The following EAF2 variants were observed in gnomAD, a reference collection of about 807,000 sequenced individuals.
EAF2 encodes ELL associated factor 2, also known as ELL-associated factor 2.
Under a neutral mutation model 29.4 loss-of-function variants are expected in EAF2, and 29 were observed. The observed-to-expected ratio is 0.99, with a 90% CI of 0.73 to 1.35. EAF2 has a LOEUF of 1.35. EAF2 is among the 40% of genes most tolerant of loss of function. The pLI is 0.00. For missense variants in EAF2, 292 were observed against 312.0 expected (o/e 0.94, Z 0.48); for synonymous variants, 103 against 102.5 (o/e 1.00, Z -0.03).
chr3:121,844,585 G>A (rs760445601), intron 2 of EAF2, 38 bp downstream of exon 2: 22 of 1,310,552 alleles, frequency 1.7e-5, no homozygotes, highest in Admixed American at 1.1e-4. Context: ...TCACTTTTGT[G>A]GGATTCTCAG....
chr3:121,886,493 G>T lies in EAF2; in HGVS notation c.*105G>T. 1.8e-6 allele frequency: 1 copy of T among 553,766 alleles called. No homozygotes were observed. The highest frequency in any genetic ancestry group is 3.9e-5 in the Admixed American group (1 of 25,640). 34.3% of individuals were successfully genotyped at this position (553,766 alleles called of 1,614,324 possible). A position where few individuals can be genotyped will look rare whatever the true frequency, so the allele number is the denominator to read the frequency against. On this transcript the variant is annotated 3_prime_UTR_variant, in exon 6 of 6. Transcript: ENST00000273668. ...AGGGAAATATGTCTTAACTTTTGAT[G>T]ATAAAAGAAATTAAATTTGATTCAG...
At chr3:121,873,104 T>C in intron 5 of EAF2, 1 of 677,458 alleles carries the variant, frequency 1.5e-6, no homozygotes, top group South Asian at 1.6e-5. Flanking sequence ...CTACAATTTC[T>C]CCCTAAATAA....
At chr3:121,866,232 T>C (rs1488563745) in intron 4 of EAF2, among the ~76,000 whole-genome samples, 1 of 152,110 alleles carries the variant, frequency 6.6e-6, no homozygotes, top group Admixed American at 6.5e-5. Flanking sequence ...CCCTAGCTGC[T>C]GGAGATTTAG....
At chr3:121,883,913 A>G (rs187002914) in intron 5 of EAF2, among the ~76,000 whole-genome samples, 13 of 152,344 alleles carry the variant, frequency 8.5e-5, no homozygotes, top group Admixed American at 7.8e-4. Context: ...TTGACAGCAT[A>G]AAGTCTAGAA....
chr3:121,873,018 T>G (rs1289698689), intron 5 of EAF2: 2 of 745,404 alleles, frequency 2.7e-6, no homozygotes, highest in Admixed American at 4.0e-5. Context: ...CTTTTCAAGT[T>G]TATATGATCC....
chr3:121,853,398 T>C (rs1330219251), intron 2 of EAF2, among the ~76,000 whole-genome samples: 1 of 152,192 alleles, frequency 6.6e-6, no homozygotes, highest in Non-Finnish European at 1.5e-5. Flanking sequence ...AAAAGTCCCT[T>C]CCTTTCTTCT....
Position 121,835,398 on chromosome 3 carries a change from G to C in EAF2, c.106+7G>C, listed in dbSNP as rs774307699. The C allele has an allele frequency of 6.2e-7, 1 of 1,613,406 alleles. No individual in the cohort carries two copies. Among genetic ancestry groups the C allele is most frequent in the East Asian group, 2.2e-5 (1 of 44,876 alleles). ...GCCTTCCACACTGTGCGCTGTGAGTGAGGACCATCCGGGGATAGAGGGGGA... is the reference window on the plus strand; with the variant it reads ...GCCTTCCACACTGTGCGCTGTGAGTCAGGACCATCCGGGGATAGAGGGGGA... On this transcript the variant is annotated splice_region_variant and intron_variant, in intron 1 of 5. Coordinates refer to ENST00000273668, the MANE Select transcript of EAF2 (RefSeq NM_018456.6).
At chr3:121,841,510 A>C (rs866798253) in intron 1 of EAF2, among the ~76,000 whole-genome samples, 6 of 28,686 alleles carry the variant, frequency 2.1e-4, no homozygotes, top group Admixed American at 8.9e-4. Context: ...GTCTCAAAAA[A>C]AAAAAAAAAA....
Position 121,839,101 on chromosome 3 carries a change from A to G in EAF2, c.106+3710A>G, listed in dbSNP as rs187147379. Reference sequence around the variant, plus strand: ...ACTAAAACAGAGGTTATAGATTAATAGCATATAGGCTGAGCTTGACTTTAG... The same window carrying G: ...ACTAAAACAGAGGTTATAGATTAATGGCATATAGGCTGAGCTTGACTTTAG... On this transcript the variant is annotated intron_variant, in intron 1 of 5. Transcript: ENST00000273668. Among the ~76,000 whole-genome samples the G allele has an allele frequency of 9.2e-5, 14 of 152,380 alleles. No homozygotes were observed. In the East Asian group the frequency reaches 2.7e-3, roughly 29 times the overall value.
intron 3 of EAF2, among the ~76,000 whole-genome samples, chr3:121,855,325 C>A (rs9818733): frequency 0.15 from 22,228 of 151,998 alleles, 2,026 homozygotes; most frequent in African/African-American, 0.25. Context: ...ATTACTTACC[C>A]TGTAATATAA....
chr3:121,861,273 T>TA (rs1437565212), intron 4 of EAF2, among the ~76,000 whole-genome samples: 1 of 152,190 alleles, frequency 6.6e-6, no homozygotes, highest in African/African-American at 2.4e-5. Flanking sequence ...AGTGGGGTGT[T>TA]AAAGTCTCCC....
Position 121,872,474 on chromosome 3 carries a change from T to G in EAF2, c.485-63T>G, listed in dbSNP as rs1031953261. On this transcript the variant is annotated intron_variant, in intron 4 of 5. Transcript: ENST00000273668. Reference sequence around the variant, plus strand: ...TTTCTTAAAAACTAATACATTCAATTTTTATTATATTTATTTAGCATTTTT... The same window carrying G: ...TTTCTTAAAAACTAATACATTCAATGTTTATTATATTTATTTAGCATTTTT... 9.4e-6 allele frequency: 12 copies of G among 1,273,602 alleles called. No homozygotes were observed. In the African/African-American group the frequency reaches 1.2e-4, roughly 13 times the overall value. The allele number at this position is 1,273,602 out of a possible 1,614,324, so 78.9% of individuals were successfully genotyped here. A position where few individuals can be genotyped will look rare whatever the true frequency, so the allele number is the denominator to read the frequency against.
intron 5 of EAF2, among the ~76,000 whole-genome samples, chr3:121,876,523 A>C (rs1307148850): frequency 6.6e-6 from 1 of 151,990 alleles, no homozygotes; most frequent in Non-Finnish European, 1.5e-5. Context: ...AAAGATAACA[A>C]GTCTGTTTTA....
At chr3:121,873,932 T>G (rs1559829205) in intron 5 of EAF2, among the ~76,000 whole-genome samples, 1 of 151,862 alleles carries the variant, frequency 6.6e-6, no homozygotes, top group Non-Finnish European at 1.5e-5. Flanking sequence ...ATATGTCTTC[T>G]TTATATCAAT....
At chr3:121,883,098 A>G (rs1438312380) in intron 5 of EAF2, among the ~76,000 whole-genome samples, 2 of 152,178 alleles carry the variant, frequency 1.3e-5, no homozygotes, top group Non-Finnish European at 2.9e-5. Context: ...AAGAATAGCT[A>G]TATCAGAAGA....
chr3:121,875,951 A>C (rs561326602), intron 5 of EAF2, among the ~76,000 whole-genome samples: 6 of 152,032 alleles, frequency 3.9e-5, no homozygotes, highest in South Asian at 2.1e-4. Flanking sequence ...AGAGATAGAA[A>C]AGATTGAGAA....
At chr3:121,873,074 G>T (rs1559828911) in intron 5 of EAF2, 2 of 688,204 alleles carry the variant, frequency 2.9e-6, no homozygotes, top group Admixed American at 2.2e-5. Context: ...TTACTTTTGG[G>T]TTCTTTTTTT....
intron 4 of EAF2, among the ~76,000 whole-genome samples, chr3:121,868,434 A>G (rs1047958314): frequency 1.3e-5 from 2 of 152,000 alleles, no homozygotes; most frequent in African/African-American, 4.8e-5. Context: ...CCCCATCCCT[A>G]CTAAAAATAC....
At chr3:121,876,786 T>C (rs964858715) in intron 5 of EAF2, among the ~76,000 whole-genome samples, 1 of 151,782 alleles carries the variant, frequency 6.6e-6, no homozygotes, top group African/African-American at 2.4e-5. Flanking sequence ...CCAGGGAACA[T>C]AGAAAACTTT....
Sources: allele counts gnomAD v4.1 joint callset (sites outside exome capture counted in the v4.1 genomes callset), GRCh38; gene constraint gnomAD v4.1.1; transcripts MANE v1.5; gene names NCBI Gene and HGNC (gene_info 2026-07-23, HGNC 2026-07-21).